BBS9: variants seen among roughly 807,000 people sequenced by gnomAD.
BBS9 encodes the protein Bardet-Biedl syndrome 9.
BBS9 carries 89 observed loss-of-function variants against 117.7 expected under a neutral mutation model. The observed-to-expected ratio is 0.76, with a 90% CI of 0.64 to 0.90. The LOEUF is 0.90. Ranked by LOEUF, BBS9 falls within the 40% of genes least tolerant of loss-of-function variation. The pLI is 0.00. For missense variants in BBS9, 982 were observed against 1,042.2 expected (o/e 0.94, Z 0.80); for synonymous variants, 379 against 370.9 (o/e 1.02, Z -0.25).
intron 19 of BBS9, among the ~76,000 whole-genome samples, chr7:33,462,739 A>C (rs938331542): frequency 6.6e-6 from 1 of 152,044 alleles, no homozygotes; most frequent in Non-Finnish European, 1.5e-5. Context: ...CTCCATACAA[A>C]TGAGGGATAT....
chr7:33,390,274 G>A, intron 19 of BBS9: 1 of 985,332 alleles, frequency 1.0e-6, no homozygotes, highest in Non-Finnish European at 1.2e-6. Flanking sequence ...AACTTGAAGA[G>A]GATGCTTGAT....
At chr7:33,329,569 A>G (rs1813559255) in intron 9 of BBS9, among the ~76,000 whole-genome samples, 1 of 150,436 alleles carries the variant, frequency 6.6e-6, no homozygotes, top group Non-Finnish European at 1.5e-5. Context: ...TAGATACACC[A>G]CAATTAAAAA....
chr7:33,342,459 G>C (rs1816755823), intron 11 of BBS9, among the ~76,000 whole-genome samples: 1 of 152,088 alleles, frequency 6.6e-6, no homozygotes, highest in African/African-American at 2.4e-5. Flanking sequence ...TTTGGAATGA[G>C]GAATTCCCTT....
chr7:33,607,425 GA>G (rs1353085485), downstream of BBS9, among the ~76,000 whole-genome samples: 1 of 151,916 alleles, frequency 6.6e-6, no homozygotes, highest in East Asian at 1.9e-4. Context: ...TTAAACACAG[GA>G]TTCAGGTTTT....
At chr7:33,350,608 G>A (rs1457501191) in intron 13 of BBS9, among the ~76,000 whole-genome samples, 1 of 152,088 alleles carries the variant, frequency 6.6e-6, no homozygotes, top group Non-Finnish European at 1.5e-5. Context: ...TTGCCCTTTT[G>A]TGTACCGTTT....
chr7:33,336,068 A>G (rs191749542), intron 9 of BBS9, among the ~76,000 whole-genome samples: 1 of 152,240 alleles, frequency 6.6e-6, no homozygotes, highest in East Asian at 1.9e-4. Context: ...CTCTTGGTCC[A>G]TTGTACCTCC....
chr7:33,533,955 G>T lies in BBS9; in HGVS notation c.2300G>T (p.Gly767Val). 6.2e-7 allele frequency: 1 copy of T among 1,614,144 alleles called. No homozygotes were observed. Among genetic ancestry groups the T allele is most frequent in the Non-Finnish European group, 8.5e-7 (1 of 1,180,032 alleles). ...LPLQEDTQEL[G>V]WEETVDAAIS... is the part of the protein sequence containing the mutation. The stretch of plus-strand genomic sequence containing the variant: ...TTCAAAATTGGCTTTTGTATCCAGG[G>T]CTGGGAAGAAACGGTGGATGCCGCC... Residue 767 changes from glycine to valine, a missense_variant and splice_region_variant, in exon 21 of 23, where the codon GGC (glycine) becomes GTC (valine). By Grantham distance (109) the Gly-to-Val change is moderately radical (BLOSUM62 -3). Transcript: ENST00000242067.
intron 21 of BBS9, among the ~76,000 whole-genome samples, chr7:33,592,658 G>A (rs1862124753): frequency 1.3e-5 from 2 of 152,086 alleles, no homozygotes; most frequent in Admixed American, 6.6e-5. Flanking sequence ...TTCCAAGCCA[G>A]TGACCCAGCT....
intron 5 of BBS9, among the ~76,000 whole-genome samples, chr7:33,241,016 C>G (rs139877566): frequency 6.6e-6 from 1 of 152,110 alleles, no homozygotes; most frequent in African/African-American, 2.4e-5. Context: ...AAATCACAAC[C>G]ATTACGAGGG....
intron 5 of BBS9, among the ~76,000 whole-genome samples, chr7:33,201,837 A>G (rs1325757644): frequency 6.6e-6 from 1 of 152,210 alleles, no homozygotes; most frequent in Admixed American, 6.5e-5. Flanking sequence ...AACTTGTCCC[A>G]GAGTCACTAG....
intron 20 of BBS9, among the ~76,000 whole-genome samples, chr7:33,525,180 T>G (rs1018308432): frequency 2.0e-5 from 3 of 152,108 alleles, no homozygotes; most frequent in Non-Finnish European, 4.4e-5. Context: ...ATGTGGTCAA[T>G]TTTGGAATAG....
intron 19 of BBS9, among the ~76,000 whole-genome samples, chr7:33,443,568 C>A (rs1481815811): frequency 6.6e-6 from 1 of 152,150 alleles, no homozygotes; most frequent in Non-Finnish European, 1.5e-5. Flanking sequence ...GAAATAATTG[C>A]TACAAAGAGA....
chr7:33,632,574 G>A (rs915737810), intron 21 of BBS9, among the ~76,000 whole-genome samples: 1 of 152,104 alleles, frequency 6.6e-6, no homozygotes, highest in African/African-American at 2.4e-5. Context: ...TGGGTTCGCC[G>A]GATCCTGTGT....
chr7:33,516,028 C>T (rs1351754503), intron 20 of BBS9, among the ~76,000 whole-genome samples: 1 of 152,130 alleles, frequency 6.6e-6, no homozygotes, highest in Non-Finnish European at 1.5e-5. Flanking sequence ...TAACATTGCA[C>T]ACAAGTCAGT....
intron 7 of BBS9, among the ~76,000 whole-genome samples, chr7:33,271,617 A>G (rs958432168): frequency 6.6e-6 from 1 of 152,264 alleles, no homozygotes; most frequent in Non-Finnish European, 1.5e-5. Context: ...AAATAAGGGC[A>G]TTACATAATA....
intron 20 of BBS9, among the ~76,000 whole-genome samples, chr7:33,527,737 C>T (rs1022404944): frequency 5.3e-5 from 8 of 152,276 alleles, no homozygotes; most frequent in Non-Finnish European, 7.4e-5. Flanking sequence ...AGCTGTAGAC[C>T]GGAGCTGTTT....
intron 4 of BBS9, among the ~76,000 whole-genome samples, chr7:33,160,009 A>C (rs1161601515): frequency 6.6e-6 from 1 of 152,186 alleles, no homozygotes; most frequent in East Asian, 1.9e-4. Context: ...TATAATGCTC[A>C]ATGTGATGCA....
At chr7:33,162,019 T>TAC (rs1269131240) in intron 4 of BBS9, among the ~76,000 whole-genome samples, 2 of 152,330 alleles carry the variant, frequency 1.3e-5, no homozygotes, top group East Asian at 3.9e-4. Context: ...TTCTGGATAT[T>TAC]AGCCCTTTGT....
intron 7 of BBS9, 105 bp downstream of exon 7, chr7:33,264,479 C>T: frequency 1.4e-6 from 1 of 699,752 alleles, no homozygotes. Flanking sequence ...AATATGTCAG[C>T]CATTCTCTTT....
Sources: allele counts gnomAD v4.1 joint callset (sites outside exome capture counted in the v4.1 genomes callset), GRCh38; gene constraint gnomAD v4.1.1; transcripts MANE v1.5; gene names NCBI Gene and HGNC (gene_info 2026-07-23, HGNC 2026-07-21).